Variants in PARD3B observed in about 807,000 individuals in gnomAD.
PARD3B encodes the protein par-3 family cell polarity regulator beta.
A neutral mutation model predicts 130.2 loss-of-function variants in PARD3B; 103 were observed. The observed-to-expected ratio is 0.79, with a 90% CI of 0.67 to 0.93. PARD3B has a LOEUF of 0.93. PARD3B is among the 40% of genes least tolerant of loss of function. The probability of loss-of-function intolerance (pLI) is 0.00; values close to 1 mark genes in which losing one functional copy is unlikely to be tolerated. For synonymous variants in PARD3B, 583 were observed against 553.2 expected (o/e 1.05, Z -0.76); for missense variants, 1,609 against 1,499.2 (o/e 1.07, Z -1.21).
At position 205,121,813 on chromosome 2, in the gene PARD3B, A is replaced by G. The variant is rs978367310; in HGVS notation, c.1029A>G (p.Ala343=). 1.2e-6 allele frequency: 2 copies of G among 1,614,222 alleles called. No homozygotes were observed. Among genetic ancestry groups the G allele is most frequent in the Admixed American group, 1.7e-5 (1 of 60,018 alleles). ...LTGTDSPETD[A]SASLQQNKSP... ...GAACCGATAGTCCTGAAACAGATGC[A>G]TCAGCTTCCCTGCAACAAAACAAGA... Residue 343 remains alanine (A), a synonymous_variant, in exon 8 of 23, where the codon GCA becomes GCG. Transcript: ENST00000406610. This position sits in a 1 kb window ranked among gnomAD's most constrained non-coding sequence, Gnocchi z 5.0.
intron 2 of PARD3B, among the ~76,000 whole-genome samples, chr2:204,963,906 G>C (rs918144085): frequency 1.3e-5 from 2 of 152,186 alleles, no homozygotes; most frequent in Non-Finnish European, 2.9e-5. Flanking sequence ...GAAATGAGTA[G>C]TCAGTTATGA....
intron 15 of PARD3B, among the ~76,000 whole-genome samples, chr2:205,235,016 A>T (rs1034565018): frequency 6.6e-6 from 1 of 152,212 alleles, no homozygotes; most frequent in Non-Finnish European, 1.5e-5. Context: ...TCCTATAAAA[A>T]TGTGTGGGAT....
intron 18 of PARD3B, among the ~76,000 whole-genome samples, chr2:205,326,395 G>T (rs1352543348): frequency 1.3e-5 from 2 of 152,014 alleles, no homozygotes. Context: ...TGAACTTTTG[G>T]CATCCATTGA....
rs2034339874 is a variant in PARD3B, at chr2:205,158,810, G to T, written c.1523G>T (p.Gly508Val). 6.2e-7 allele frequency: 1 copy of T among 1,614,164 alleles called. No individual in the cohort carries two copies. The highest frequency in any genetic ancestry group is 1.3e-5 in the African/African-American group (1 of 75,044). ...CCCCTGAATGATTCAGGTTCTGCTG[G>T]CCTCGGGGTGAGCTTAAAAGGGAAC... is the stretch of plus-strand genomic sequence containing the variant. ...EIPLNDSGSAGLGVSLKGNKS... is the reference protein window; with the variant it reads ...EIPLNDSGSAVLGVSLKGNKS... The change falls in exon 11 of 23, where the codon GGC becomes GTC. Residue 508 changes from glycine to valine, a missense_variant. Gly to Val is a moderately radical substitution (Grantham distance 109). Coordinates refer to ENST00000406610, the MANE Select transcript of PARD3B (RefSeq NM_001302769.2). The surrounding 1 kb of genome is among the most constrained non-coding windows in gnomAD (Gnocchi z 5.4).
chr2:205,199,957 C>T (rs1208439350), intron 15 of PARD3B, among the ~76,000 whole-genome samples: 1 of 151,416 alleles, frequency 6.6e-6, no homozygotes, highest in Non-Finnish European at 1.5e-5. Context: ...CATCAGATTT[C>T]CATGTTTGTG....
intron 15 of PARD3B, among the ~76,000 whole-genome samples, chr2:205,237,152 T>A (rs1327932771): frequency 6.6e-6 from 1 of 152,226 alleles, no homozygotes; most frequent in Non-Finnish European, 1.5e-5. Flanking sequence ...CAGGCTAGGG[T>A]GCAATGACGC....
chr2:205,423,048 C>A (rs1303573371), intron 19 of PARD3B, among the ~76,000 whole-genome samples: 2 of 152,166 alleles, frequency 1.3e-5, no homozygotes, highest in Non-Finnish European at 2.9e-5. Context: ...CCTTTCTCCT[C>A]GACATCCAGT....
At chr2:205,529,937 A>G (rs2051513604) in intron 21 of PARD3B, among the ~76,000 whole-genome samples, 1 of 152,178 alleles carries the variant, frequency 6.6e-6, no homozygotes, top group Non-Finnish European at 1.5e-5. Context: ...TAGAGCAATT[A>G]CCCACCTGGT....
intron 11 of PARD3B, among the ~76,000 whole-genome samples, chr2:205,170,467 A>G (rs535612063): frequency 1.3e-5 from 2 of 152,280 alleles, no homozygotes; most frequent in East Asian, 1.9e-4. Flanking sequence ...GCCTTTGTCT[A>G]TTGATCCCAT....
intron 19 of PARD3B, among the ~76,000 whole-genome samples, chr2:205,439,225 A>G (rs1432660949): frequency 6.6e-6 from 1 of 152,040 alleles, no homozygotes; most frequent in Non-Finnish European, 1.5e-5. Context: ...GTATGTCTCC[A>G]GTCATATACA....
chr2:204,905,197 A>G (rs182357796), intron 2 of PARD3B, among the ~76,000 whole-genome samples: 3 of 152,342 alleles, frequency 2.0e-5, no homozygotes, highest in South Asian at 2.1e-4. Context: ...TTCAAGGTCA[A>G]CTAAGTGAAA....
intron 21 of PARD3B, among the ~76,000 whole-genome samples, chr2:205,532,630 C>G (rs1222820595): frequency 1.3e-5 from 2 of 152,120 alleles, no homozygotes; most frequent in African/African-American, 4.8e-5. Context: ...ATTTGGTTGC[C>G]ACTCTCATTC....
In PARD3B at chr2:205,126,732, G is replaced by A. The variant is rs1205792186; in HGVS notation, c.1434+995G>A. ...CTGCAGTCCGCAGTCCCACCTGGGC[G>A]ACAGAGCGAGACTCCGTCTCAAAAA... On this transcript the variant is annotated intron_variant, in intron 10 of 22. Coordinates refer to ENST00000406610, the MANE Select transcript of PARD3B (RefSeq NM_001302769.2). Among the ~76,000 whole-genome samples, 16 of 106,472 alleles carry A rather than the reference G, an allele frequency of 1.5e-4. 1 individual carries two copies. In the East Asian group the frequency reaches 3.7e-3, roughly 25 times the overall value. 69.8% of individuals were successfully genotyped at this position (106,472 alleles called of 152,430 possible).
chr2:204,962,066 T>A (rs1690791589), intron 2 of PARD3B, among the ~76,000 whole-genome samples: 1 of 152,174 alleles, frequency 6.6e-6, no homozygotes, highest in African/African-American at 2.4e-5. Context: ...AGCATATTCA[T>A]AGACTGACCT....
At chr2:205,507,991 T>C (rs548529255) in intron 21 of PARD3B, among the ~76,000 whole-genome samples, 2 of 152,334 alleles carry the variant, frequency 1.3e-5, no homozygotes, top group South Asian at 4.1e-4. Context: ...GACATTTTAG[T>C]TCACCTCGGA....
At chr2:205,434,121 A>T (rs1261680057) in intron 19 of PARD3B, among the ~76,000 whole-genome samples, 1 of 152,218 alleles carries the variant, frequency 6.6e-6, no homozygotes, top group African/African-American at 2.4e-5. Flanking sequence ...TTCCACCAGC[A>T]GTGTGTGAAT....
intron 1 of PARD3B, among the ~76,000 whole-genome samples, chr2:204,547,739 T>G (rs1347126563): frequency 6.6e-6 from 1 of 152,216 alleles, no homozygotes; most frequent in Non-Finnish European, 1.5e-5. Flanking sequence ...CTTGTATATT[T>G]AGAAGTTTAG....
chr2:204,776,023 C>T (rs1316350860), intron 2 of PARD3B, among the ~76,000 whole-genome samples: 2 of 152,258 alleles, frequency 1.3e-5, no homozygotes, highest in Non-Finnish European at 2.9e-5. Flanking sequence ...CTTGTTTGTT[C>T]AGCAGAAATT....
At chr2:204,866,669 G>GTA (rs1261088638) in intron 2 of PARD3B, among the ~76,000 whole-genome samples, 1 of 151,098 alleles carries the variant, frequency 6.6e-6, no homozygotes, top group African/African-American at 2.4e-5. Context: ...ATATATATGT[G>GTA]TATATATACA....
Sources: gnomAD v4.1 joint callset for allele counts (sites outside exome capture counted in the v4.1 genomes callset) on GRCh38, gnomAD v4.1.1 for gene constraint, Gnocchi (gnomAD v3.1) non-coding constraint, MANE v1.5 for transcripts, NCBI Gene and HGNC (gene_info 2026-07-23, HGNC 2026-07-21) for gene names.